EYS: variants seen among roughly 807,000 people sequenced by gnomAD.
The protein encoded by EYS is protein eyes shut homolog.
A neutral mutation model predicts 282.1 loss-of-function variants in EYS; 250 were observed. The observed-to-expected ratio is 0.89, with a 90% CI of 0.80 to 0.98. The LOEUF (loss-of-function observed/expected upper bound fraction) is 0.98, where lower values mean the gene tolerates loss of function less well. EYS is among the 50% of genes least tolerant of loss of function. EYS has a pLI of 0.00. For synonymous variants in EYS, 1,355 were observed against 1,282.9 expected (o/e 1.06, Z -1.20); for missense variants, 4,016 against 3,709.0 (o/e 1.08, Z -2.15).
chr6:64,373,725 G>A (rs1772467036), intron 29 of EYS, among the ~76,000 whole-genome samples: 1 of 152,182 alleles, frequency 6.6e-6, no homozygotes, highest in African/African-American at 2.4e-5. Context: ...GAGCATCTGG[G>A]TTCCTCCAGG....
chr6:64,454,342 G>A (rs1333036107), intron 26 of EYS, among the ~76,000 whole-genome samples: 1 of 151,982 alleles, frequency 6.6e-6, no homozygotes, highest in Non-Finnish European at 1.5e-5. Context: ...TTCTTCTTCA[G>A]GGTTGTGTTG....
rs143258218 is a variant in EYS, at chr6:65,130,249, C to G, written c.2024-72522G>C. ...TGACAGATTCATTCAAACTCCAAAC[C>G]TTAGCATTATGCAATATACTTATGT... is the stretch of plus-strand genomic sequence containing the variant. On this transcript the variant is annotated intron_variant, in intron 12 of 42. Transcript: ENST00000503581. Among the ~76,000 whole-genome samples, 559 of 151,866 alleles carry G rather than the reference C, an allele frequency of 3.7e-3. 2 individuals carry two copies. Among genetic ancestry groups the G allele is most frequent in the African/African-American group, 0.013 (520 of 41,498 alleles).
intron 31 of EYS, among the ~76,000 whole-genome samples, chr6:64,118,270 T>A (rs560833143): frequency 6.6e-6 from 1 of 152,162 alleles, no homozygotes; most frequent in South Asian, 2.1e-4. Context: ...AGGCATCACA[T>A]GATTTGACCT....
rs755044961 is a variant in EYS at position 64,942,934 on chromosome 6, A to G, written c.2381+2859T>C. Among the ~76,000 whole-genome samples, 27 of 152,146 alleles carry G rather than the reference A, an allele frequency of 1.8e-4. No individual in the cohort carries two copies. In the South Asian group the frequency reaches 2.9e-3, roughly 16 times the overall value. On this transcript the variant is annotated intron_variant, in intron 15 of 42. Coordinates refer to ENST00000503581, the MANE Select transcript of EYS (RefSeq NM_001142800.2). ...AACCTGGAAAAGATACAACACAAAAAGAAAACTACAGGCCAATACACCTTA... is the reference window on the plus strand; with the variant it reads ...AACCTGGAAAAGATACAACACAAAAGGAAAACTACAGGCCAATACACCTTA...
At chr6:64,588,068 G>C (rs558291524) in intron 26 of EYS, among the ~76,000 whole-genome samples, 11 of 152,144 alleles carry the variant, frequency 7.2e-5, no homozygotes, top group African/African-American at 2.6e-4. Context: ...TGTCAGTTGA[G>C]AAGTTAGAAA....
chr6:64,624,892 T>G (rs1253018354), intron 23 of EYS, among the ~76,000 whole-genome samples: 1 of 152,038 alleles, frequency 6.6e-6, no homozygotes, highest in African/African-American at 2.4e-5. Context: ...AGAGATCAAG[T>G]CCTGCTATGT....
chr6:64,441,870 T>C (rs1774960257), intron 26 of EYS, among the ~76,000 whole-genome samples: 1 of 152,226 alleles, frequency 6.6e-6, no homozygotes. Flanking sequence ...CCTCTTTCTT[T>C]TGTAAATCAC....
intron 33 of EYS, among the ~76,000 whole-genome samples, chr6:64,052,152 T>C (rs1562175635): frequency 6.6e-6 from 1 of 152,062 alleles, no homozygotes; most frequent in Non-Finnish European, 1.5e-5. Context: ...TTTCGACCAT[T>C]AAAATAGTAT....
At chr6:64,237,718 T>A (rs1002786387) in intron 30 of EYS, among the ~76,000 whole-genome samples, 12 of 152,336 alleles carry the variant, frequency 7.9e-5, no homozygotes, top group Admixed American at 7.8e-4. Context: ...CTCAGCTAGT[T>A]CCAAAATTTT....
chr6:63,883,727 C>T (rs774872612), intron 35 of EYS, among the ~76,000 whole-genome samples: 3 of 152,146 alleles, frequency 2.0e-5, no homozygotes, highest in Non-Finnish European at 2.9e-5. Flanking sequence ...TGGGGGAATT[C>T]GAAGCTATGG....
rs372188798 is a variant in EYS, at chr6:65,214,790, T to C, written c.2023+81073A>G. 3.3e-4 allele frequency among the ~76,000 whole-genome samples: 50 copies of C among 152,282 alleles called. No individual in the cohort carries two copies. The South Asian group carries it at 9.6e-3, about 29-fold the overall frequency. On this transcript the variant is annotated intron_variant, in intron 12 of 42. Transcript: ENST00000503581. The stretch of plus-strand genomic sequence containing the variant: ...GAGGCCAATGCAGCTGATGACTAAA[T>C]TGAAGCCAATTTGAAGCCAATTCAG...
chr6:64,971,182 G>A lies in EYS; in HGVS notation c.2260-25268C>T, dbSNP rs186325558. 3.5e-3 allele frequency among the ~76,000 whole-genome samples: 537 copies of A among 152,182 alleles called. 3 individuals carry two copies. The highest frequency in any genetic ancestry group is 5.9e-3 in the Non-Finnish European group (400 of 68,008). ...GGCTTAATACATTTCAAGATAACAG[G>A]AGAAGCAGCTTCTGCTGCCCAAGAG... is the stretch of plus-strand genomic sequence containing the variant. On this transcript the variant is annotated intron_variant, in intron 14 of 42. Coordinates refer to ENST00000503581, the MANE Select transcript of EYS (RefSeq NM_001142800.2).
chr6:65,244,201 T>C (rs1445064402), intron 12 of EYS, among the ~76,000 whole-genome samples: 1 of 152,190 alleles, frequency 6.6e-6, no homozygotes, highest in Non-Finnish European at 1.5e-5. Context: ...TTTTTGTGAA[T>C]AGTATTTATT....
At chr6:63,942,133 A>C (rs1264128564) in intron 35 of EYS, among the ~76,000 whole-genome samples, 1 of 152,182 alleles carries the variant, frequency 6.6e-6, no homozygotes, top group Admixed American at 6.5e-5. Flanking sequence ...CTGATTACAC[A>C]CAGCACTCTA....
chr6:63,837,694 A>C (rs1303007165), intron 36 of EYS, among the ~76,000 whole-genome samples: 1 of 152,170 alleles, frequency 6.6e-6, no homozygotes, highest in Non-Finnish European at 1.5e-5. Flanking sequence ...CAGTGTAACT[A>C]TCGTCCAAAT....
chr6:64,046,921 T>A (rs1351317113), intron 33 of EYS, among the ~76,000 whole-genome samples: 4 of 152,216 alleles, frequency 2.6e-5, no homozygotes, highest in Non-Finnish European at 5.9e-5. Flanking sequence ...TAGCTTTACA[T>A]TCTCTCTCCT....
chr6:65,569,846 A>C (rs1215728637), intron 2 of EYS, among the ~76,000 whole-genome samples: 1 of 152,170 alleles, frequency 6.6e-6, no homozygotes, highest in Non-Finnish European at 1.5e-5. Flanking sequence ...TTTGAGTAAT[A>C]ATAAAACTCA....
At chr6:65,318,146 C>A (rs574557288) in intron 11 of EYS, among the ~76,000 whole-genome samples, 19 of 149,078 alleles carry the variant, frequency 1.3e-4, no homozygotes, top group Middle Eastern at 3.4e-3. Flanking sequence ...GGATTACATG[C>A]GTGAGCCACC....
At chr6:65,128,043 G>T (rs760256680) in intron 12 of EYS, among the ~76,000 whole-genome samples, 57 of 151,842 alleles carry the variant, frequency 3.8e-4, no homozygotes, top group Non-Finnish European at 2.2e-4. Flanking sequence ...TGACTTTTTG[G>T]TAAGTAAATC....
Sources: gnomAD v4.1 joint callset for allele counts (sites outside exome capture counted in the v4.1 genomes callset) on GRCh38, gnomAD v4.1.1 for gene constraint, MANE v1.5 for transcripts, NCBI Gene and HGNC (gene_info 2026-07-23, HGNC 2026-07-21) for gene names.